The following CHD6 variants were observed in gnomAD, a reference collection of about 807,000 sequenced individuals.
CHD6 encodes ATP-dependent chromatin remodeler CHD6.
CHD6 carries 50 observed loss-of-function variants against 276.9 expected under a neutral mutation model. The observed-to-expected ratio is 0.18, with a 90% confidence interval of 0.14 to 0.23. CHD6 has a LOEUF of 0.23. CHD6 is among the 10% of genes least tolerant of loss of function. The probability of loss-of-function intolerance (pLI) is 1.00; values close to 1 mark genes in which losing one functional copy is unlikely to be tolerated. For synonymous variants in CHD6, 1,173 were observed against 1,229.3 expected (o/e 0.95, Z 0.96); for missense variants, 2,564 against 3,365.8 (o/e 0.76, Z 5.89).
In CHD6 at chr20:41,536,428, C is replaced by CT. The variant is rs570909551; in HGVS notation, c.34-2859dup. 3.7e-3 allele frequency among the ~76,000 whole-genome samples: 568 copies of CT among 152,298 alleles called. 1 individual carries two copies. The highest frequency in any genetic ancestry group is 6.2e-3 in the Non-Finnish European group (423 of 68,016). ...ACTTAAAGACTTGAATCTAGATAAA[C>CT]TGGATCAGGTCAGTTGAAAAGGAGC... On this transcript the variant is annotated intron_variant, in intron 2 of 36. Coordinates refer to ENST00000373233, the MANE Select transcript of CHD6 (RefSeq NM_032221.5).
chr20:41,527,539 A>T (rs958365936), intron 3 of CHD6, among the ~76,000 whole-genome samples: 3 of 152,224 alleles, frequency 2.0e-5, no homozygotes, highest in Non-Finnish European at 2.9e-5. Context: ...CTGGATATAG[A>T]GTAAAAGAAT....
chr20:41,610,130 A>C (rs1164536599), intron 1 of CHD6, among the ~76,000 whole-genome samples: 2 of 152,144 alleles, frequency 1.3e-5, no homozygotes, highest in Admixed American at 6.5e-5. Context: ...TGTTGGGATT[A>C]CAGGCATAAG....
At chr20:41,557,744 A>G (rs986319506) in intron 1 of CHD6, among the ~76,000 whole-genome samples, 4 of 152,158 alleles carry the variant, frequency 2.6e-5, no homozygotes, top group Admixed American at 1.3e-4. Context: ...ACTGAACACA[A>G]TAACGATGGA....
chr20:41,473,152 C>G lies in CHD6; in HGVS notation c.2664+170G>C, dbSNP rs1029064553. The G allele has an allele frequency of 5.3e-6, 3 of 569,290 alleles. No individual in the cohort carries two copies. The African/African-American group carries it at 5.6e-5, about 11-fold the overall frequency. The allele number at this position is 569,290 out of a possible 1,614,324, so 35.3% of individuals were successfully genotyped here. The stretch of plus-strand genomic sequence containing the variant: ...ACACTCTCTAATTAGTTGGAAGGGT[C>G]GACATTTACTTTTCATTCAGTTTCA... On this transcript the variant is annotated intron_variant, in intron 17 of 36. Coordinates refer to ENST00000373233, the MANE Select transcript of CHD6 (RefSeq NM_032221.5). This position sits in a 1 kb window ranked among gnomAD's most constrained non-coding sequence, Gnocchi z 4.1.
intron 1 of CHD6, among the ~76,000 whole-genome samples, chr20:41,576,507 G>A (rs1476973381): frequency 6.6e-6 from 1 of 152,088 alleles, no homozygotes; most frequent in Non-Finnish European, 1.5e-5. Flanking sequence ...CCAACATGGT[G>A]AAACCCTGCC....
chr20:41,456,111 A>G lies in CHD6; in HGVS notation c.2830-132T>C. Reference sequence around the variant, plus strand: ...TGTTAGAACAAAGGACGTGGGCAACAAACTTCAGCTAGTGAAATCCCAGAT... The same window carrying G: ...TGTTAGAACAAAGGACGTGGGCAACGAACTTCAGCTAGTGAAATCCCAGAT... On this transcript the variant is annotated intron_variant, in intron 18 of 36. Coordinates refer to ENST00000373233, the MANE Select transcript of CHD6 (RefSeq NM_032221.5). 3 of 795,462 alleles carry G rather than the reference A, an allele frequency of 3.8e-6. 1 individual carries two copies. The highest frequency in any genetic ancestry group is 3.0e-5 in the South Asian group (1 of 32,932). 49.3% of individuals were successfully genotyped at this position (795,462 alleles called of 1,614,324 possible).
At chr20:41,467,110 A>G (rs1333935367) in intron 17 of CHD6, among the ~76,000 whole-genome samples, 2 of 152,136 alleles carry the variant, frequency 1.3e-5, no homozygotes, top group African/African-American at 4.8e-5. Flanking sequence ...TTAACTGAGA[A>G]AAATAAACCC....
At chr20:41,586,166 T>C (rs2045592217) in intron 1 of CHD6, among the ~76,000 whole-genome samples, 1 of 152,182 alleles carries the variant, frequency 6.6e-6, no homozygotes, top group Admixed American at 6.5e-5. Context: ...AGCTCTGTTT[T>C]CACTCTTATT....
chr20:41,605,328 C>T (rs1242694335), intron 1 of CHD6, among the ~76,000 whole-genome samples: 1 of 152,146 alleles, frequency 6.6e-6, no homozygotes, highest in Non-Finnish European at 1.5e-5. Flanking sequence ...TTAATTTCTA[C>T]AGGTTCCAAC....
At position 41,570,809 on chromosome 20, in the gene CHD6, C is replaced by T. The variant is rs149425424; in HGVS notation, c.-23-19449G>A. On this transcript the variant is annotated intron_variant, in intron 1 of 36. Coordinates refer to ENST00000373233, the MANE Select transcript of CHD6 (RefSeq NM_032221.5). ...CAGCTGGCTCCACTTTGAAATTCAC[C>T]CTAAATTCTGTTCACAGTGTAATGC... 2.9e-3 allele frequency among the ~76,000 whole-genome samples: 447 copies of T among 152,320 alleles called. 2 individuals are homozygous for T. The highest frequency in any genetic ancestry group is 2.7e-3 in the Non-Finnish European group (185 of 68,026).
intron 17 of CHD6, among the ~76,000 whole-genome samples, chr20:41,469,284 G>A (rs1025264429): frequency 6.6e-6 from 1 of 151,904 alleles, no homozygotes; most frequent in Non-Finnish European, 1.5e-5. Flanking sequence ...CAGGAAGGAC[G>A]CAGAACTGTG....
At position 41,416,780 on chromosome 20, in the gene CHD6, A is replaced by C. The variant is rs768371542; in HGVS notation, c.6294T>G (p.Ile2098Met). Residue 2098 changes from isoleucine (I) to methionine (M), a missense_variant, in exon 33 of 37, where the codon ATT (isoleucine) becomes ATG (methionine). Ile to Met is a conservative substitution (Grantham distance 10). Coordinates refer to ENST00000373233, the MANE Select transcript of CHD6 (RefSeq NM_032221.5). The part of the protein sequence containing the change: ...FSEWPKDRVI[I>M]NRLDNICHVV... Reference sequence around the variant, plus strand: ...CGTGGCAGATATTATCTAGGCGGTTAATTATCACGCGGTCCTAGAAAAAAG... The same window carrying C: ...CGTGGCAGATATTATCTAGGCGGTTCATTATCACGCGGTCCTAGAAAAAAG... 6.3e-7 allele frequency: 1 copy of C among 1,585,888 alleles called. No individual in the cohort carries two copies. The highest frequency in any genetic ancestry group is 8.6e-7 in the Non-Finnish European group (1 of 1,163,294).
At chr20:41,526,997 T>C (rs909479339) in intron 3 of CHD6, among the ~76,000 whole-genome samples, 3 of 152,210 alleles carry the variant, frequency 2.0e-5, no homozygotes, top group Non-Finnish European at 2.9e-5. Context: ...TCCAGGTAGA[T>C]AGACCTCCAC....
At chr20:41,542,418 C>T (rs1001112028) in intron 2 of CHD6, among the ~76,000 whole-genome samples, 12 of 152,196 alleles carry the variant, frequency 7.9e-5, no homozygotes, top group African/African-American at 2.7e-4. Context: ...TTCGGCTGGG[C>T]GCAGTGGCTC....
intron 1 of CHD6, chr20:41,564,007 G>A (rs1031244132): frequency 3.9e-6 from 3 of 774,004 alleles, no homozygotes; most frequent in Non-Finnish European, 4.8e-6. Context: ...TAGAACAGCA[G>A]TACCTGTAGA....
At chr20:41,508,775 C>A (rs979297195) in intron 5 of CHD6, among the ~76,000 whole-genome samples, 15 of 151,872 alleles carry the variant, frequency 9.9e-5, no homozygotes, top group African/African-American at 3.6e-4. Context: ...CAGAAAGGAG[C>A]CCTTTCTGAG....
intron 17 of CHD6, among the ~76,000 whole-genome samples, chr20:41,461,408 TGTGG>T (rs1344729976): frequency 6.6e-6 from 1 of 152,192 alleles, no homozygotes; most frequent in Non-Finnish European, 1.5e-5. Context: ...ATTCCCACAC[TGTGG>T]GAGGGACTCA....
At chr20:41,576,202 T>C (rs1483446352) in intron 1 of CHD6, among the ~76,000 whole-genome samples, 1 of 152,358 alleles carries the variant, frequency 6.6e-6, no homozygotes, top group Middle Eastern at 3.4e-3. Context: ...AAATTCTCTG[T>C]ACATGAAGAA....
At chr20:41,509,629 A>T (rs2044066644) in intron 5 of CHD6, among the ~76,000 whole-genome samples, 1 of 152,204 alleles carries the variant, frequency 6.6e-6, no homozygotes, top group Non-Finnish European at 1.5e-5. Context: ...GCCTTATTCA[A>T]ATTCAAGTCC....
Sources: gnomAD v4.1 joint callset for allele counts (sites outside exome capture counted in the v4.1 genomes callset) on GRCh38, gnomAD v4.1.1 for gene constraint, Gnocchi (gnomAD v3.1) non-coding constraint, MANE v1.5 for transcripts, NCBI Gene and HGNC (gene_info 2026-07-23, HGNC 2026-07-21) for gene names.